PLXNA4: variants seen among roughly 807,000 people sequenced by gnomAD.
PLXNA4 encodes the protein plexin A4, also known as plexin-A4.
Under a neutral mutation model 191.8 loss-of-function variants are expected in PLXNA4, and 44 were observed. That is an observed-to-expected ratio of 0.23 (90% CI 0.18 to 0.29). PLXNA4 has a LOEUF of 0.29. Ranked by LOEUF, PLXNA4 falls within the 10% of genes least tolerant of loss-of-function variation. The pLI is 1.00. For synonymous variants in PLXNA4, 1,082 were observed against 1,009.5 expected (o/e 1.07, Z -1.36); for missense variants, 1,800 against 2,488.8 (o/e 0.72, Z 5.89).
intron 4 of PLXNA4, among the ~76,000 whole-genome samples, chr7:132,243,401 C>T (rs1387770208): frequency 6.6e-6 from 1 of 152,142 alleles, no homozygotes; most frequent in Non-Finnish European, 1.5e-5. Flanking sequence ...TATAATCCAC[C>T]TTGGATGGAA....
chr7:132,326,731 T>C (rs1230052299), intron 3 of PLXNA4, among the ~76,000 whole-genome samples: 1 of 152,020 alleles, frequency 6.6e-6, no homozygotes, highest in Non-Finnish European at 1.5e-5. Flanking sequence ...CCCAGTGTTA[T>C]CTTTTTTTAT....
At position 132,309,197 on chromosome 7, in the gene PLXNA4, T is replaced by C. The variant is rs1361228292; in HGVS notation, c.1372-10975A>G. On this transcript the variant is annotated intron_variant, in intron 3 of 31. Transcript: ENST00000321063. ...AGGAGAGACTCAGAAAGCCAACGAC[T>C]TTATGGAGGAAGAACAAAGCAGTTT... Among the ~76,000 whole-genome samples the C allele has an allele frequency of 3.9e-5, 6 of 152,096 alleles. No individual in the cohort carries two copies. In the East Asian group the frequency reaches 1.2e-3, roughly 29 times the overall value.
At chr7:132,271,431 G>GAAAA (rs5887561) in intron 4 of PLXNA4, among the ~76,000 whole-genome samples, 2 of 128,498 alleles carry the variant, frequency 1.6e-5, no homozygotes, top group African/African-American at 5.8e-5. Flanking sequence ...AGTCACTTAG[G>GAAAA]AAAAAAAAAA....
chr7:132,406,742 AGAGT>A (rs1185215513), intron 3 of PLXNA4, among the ~76,000 whole-genome samples: 1 of 152,210 alleles, frequency 6.6e-6, no homozygotes, highest in East Asian at 1.9e-4. Context: ...CAGGTTGTTA[AGAGT>A]GAGGGCTAGA....
intron 3 of PLXNA4, among the ~76,000 whole-genome samples, chr7:132,389,391 AT>A (rs1585069388): frequency 6.6e-6 from 1 of 152,296 alleles, no homozygotes; most frequent in East Asian, 1.9e-4. Flanking sequence ...TAGGGTTTTC[AT>A]GGTTTTAGGT....
chr7:132,178,288 G>A (rs981503279), intron 20 of PLXNA4, among the ~76,000 whole-genome samples: 1 of 152,172 alleles, frequency 6.6e-6, no homozygotes, highest in Non-Finnish European at 1.5e-5. Flanking sequence ...AGGTATGGAG[G>A]CTGCTCTAGT....
chr7:132,551,093 C>T (rs188133574), intron 1 of PLXNA4, among the ~76,000 whole-genome samples: 4 of 152,324 alleles, frequency 2.6e-5, no homozygotes, highest in East Asian at 3.9e-4. Flanking sequence ...CATCATTTCT[C>T]CCTTGGACCA....
chr7:132,441,672 T>A (rs144418450), intron 3 of PLXNA4, among the ~76,000 whole-genome samples: 7 of 152,374 alleles, frequency 4.6e-5, no homozygotes, highest in Admixed American at 4.6e-4. Flanking sequence ...TCATGCCTTT[T>A]TACATTTCAC....
chr7:132,347,884 C>T (rs1381181702), intron 3 of PLXNA4, among the ~76,000 whole-genome samples: 1 of 152,154 alleles, frequency 6.6e-6, no homozygotes, highest in East Asian at 1.9e-4. Flanking sequence ...TTTCATGCTA[C>T]CAGCGTGTTC....
intron 3 of PLXNA4, among the ~76,000 whole-genome samples, chr7:132,466,717 T>A (rs1796720277): frequency 6.6e-6 from 1 of 152,190 alleles, no homozygotes; most frequent in African/African-American, 2.4e-5. Context: ...TCGGGGGCAG[T>A]CTCTCCACTT....
At chr7:132,446,966 A>C (rs1054854234) in intron 3 of PLXNA4, among the ~76,000 whole-genome samples, 5 of 152,090 alleles carry the variant, frequency 3.3e-5, no homozygotes, top group South Asian at 2.1e-4. Flanking sequence ...CCACATCCAT[A>C]ATGCGCATTT....
chr7:132,455,057 C>A (rs913671796), intron 3 of PLXNA4, among the ~76,000 whole-genome samples: 2 of 152,174 alleles, frequency 1.3e-5, no homozygotes, highest in Non-Finnish European at 2.9e-5. Context: ...GAAGTACCAC[C>A]CTGACTGAGG....
rs1685978422 is a variant in PLXNA4 at position 132,594,819 on chromosome 7, G to A, written c.-87+51109C>T. Reference sequence around the variant, plus strand: ...TCTGCTTCTTCAGGCACTGAGCCCTGGGAGAAGGTGGCTACTTCATGTGGG... The same window carrying A: ...TCTGCTTCTTCAGGCACTGAGCCCTAGGAGAAGGTGGCTACTTCATGTGGG... On this transcript the variant is annotated intron_variant, in intron 2 of 4. Transcript: ENST00000378539. Among the ~76,000 whole-genome samples the A allele has an allele frequency of 2.0e-5, 3 of 152,084 alleles. No homozygotes were observed. In the South Asian group the frequency reaches 6.2e-4, roughly 32 times the overall value.
At chr7:132,213,515 C>A (rs532409520) in intron 9 of PLXNA4, among the ~76,000 whole-genome samples, 1 of 152,084 alleles carries the variant, frequency 6.6e-6, no homozygotes, top group Non-Finnish European at 1.5e-5. Flanking sequence ...TCTCTGGAGA[C>A]GCCAGTAGCC....
intron 3 of PLXNA4, among the ~76,000 whole-genome samples, chr7:132,371,150 G>A (rs371203054): frequency 7.5e-4 from 114 of 152,248 alleles, no homozygotes; most frequent in African/African-American, 2.6e-3. Context: ...TTGGGGTGGA[G>A]AGGGAAATGG....
chr7:132,243,562 C>T (rs1798950727), intron 4 of PLXNA4, among the ~76,000 whole-genome samples: 1 of 152,156 alleles, frequency 6.6e-6, no homozygotes. Flanking sequence ...TCAAGTCCCT[C>T]CTCCTGATTT....
chr7:132,148,640 C>T lies in PLXNA4; in HGVS notation c.4667G>A (p.Arg1556Gln), dbSNP rs765386768. 18 of 1,613,964 alleles carry T rather than the reference C, an allele frequency of 1.1e-5. No individual in the cohort carries two copies. The highest frequency in any genetic ancestry group is 2.2e-5 in the East Asian group (1 of 44,890). ...GATCATCCTTGCCCCACTTCCTTGT[C>T]GCCACTCTGCCAAAAGAGCGGTGGC... ...PKAADMDLEW[R>Q]QGSGARMILQ... The change falls in exon 26 of 32, where the codon CGA becomes CAA. Residue 1556 changes from arginine to glutamine, a missense_variant. Arg to Gln is a conservative substitution (Grantham distance 43). Transcript: ENST00000321063.
intron 4 of PLXNA4, among the ~76,000 whole-genome samples, chr7:132,281,209 T>G (rs530164389): frequency 1.3e-5 from 2 of 152,218 alleles, no homozygotes; most frequent in Admixed American, 1.3e-4. Flanking sequence ...TTCCATACTT[T>G]GTTTTAATGG....
intron 4 of PLXNA4, among the ~76,000 whole-genome samples, chr7:132,285,908 G>A (rs1800665346): frequency 6.6e-6 from 1 of 152,138 alleles, no homozygotes; most frequent in African/African-American, 2.4e-5. Context: ...AGAGGGGTGA[G>A]GTGGTCAAGG....
Sources: gnomAD v4.1 joint callset for allele counts (sites outside exome capture counted in the v4.1 genomes callset) on GRCh38, gnomAD v4.1.1 for gene constraint, MANE v1.5 for transcripts, NCBI Gene and HGNC (gene_info 2026-07-23, HGNC 2026-07-21) for gene names.